Variants in KIF24 observed in about 807,000 individuals in gnomAD.
KIF24 encodes kinesin family member 24.
In KIF24, 81 loss-of-function variants were observed where a neutral mutation model predicts 118.9. The ratio of observed to expected loss-of-function variants is 0.68; its 90% CI spans 0.57 to 0.82. The LOEUF is 0.82. Ranked by LOEUF, KIF24 falls within the 40% of genes least tolerant of loss-of-function variation. KIF24 has a pLI of 0.00. For synonymous variants in KIF24, 599 were observed against 610.0 expected (o/e 0.98, Z 0.27); for missense variants, 1,560 against 1,661.6 (o/e 0.94, Z 1.06).
At chr9:34,307,864 A>G (rs1469048776) in intron 2 of KIF24, among the ~76,000 whole-genome samples, 1 of 148,788 alleles carries the variant, frequency 6.7e-6, no homozygotes, top group Non-Finnish European at 1.5e-5. Flanking sequence ...CTGTCTGAAA[A>G]AAAAAAAAAA....
chr9:34,256,910 T>G lies in KIF24; in HGVS notation c.2697A>C (p.Ile899=). Residue 899 remains isoleucine (I), a synonymous_variant, in exon 11 of 13, where the codon ATA becomes ATC. Transcript: ENST00000402558. ...GATCGAGTGCTGCTCTTCTGTGGTTTATGGGGTCCCTGGAGTCCACCCAGC... is the reference window on the plus strand; with the variant it reads ...GATCGAGTGCTGCTCTTCTGTGGTTGATGGGGTCCCTGGAGTCCACCCAGC... ...TKSWVDSRDP[I]NHRRAALDHS... 1.2e-6 allele frequency: 2 copies of G among 1,614,042 alleles called. No individual in the cohort carries two copies. The highest frequency in any genetic ancestry group is 1.7e-6 in the Non-Finnish European group (2 of 1,179,904).
chr9:34,258,580 C>A (rs533190458), intron 10 of KIF24, among the ~76,000 whole-genome samples: 2 of 152,224 alleles, frequency 1.3e-5, no homozygotes, highest in Admixed American at 6.5e-5. Flanking sequence ...ATGTAAGGGA[C>A]AGGCCAGAGA....
At chr9:34,324,592 G>A (rs1197906788) in intron 1 of KIF24, among the ~76,000 whole-genome samples, 2 of 152,122 alleles carry the variant, frequency 1.3e-5, no homozygotes, top group African/African-American at 4.8e-5. Flanking sequence ...CTTCCAGACT[G>A]TAGAGCCAGA....
chr9:34,287,096 G>A (rs1197510644), intron 5 of KIF24, among the ~76,000 whole-genome samples: 1 of 152,224 alleles, frequency 6.6e-6, no homozygotes, highest in African/African-American at 2.4e-5. Context: ...GTCCCTGGAT[G>A]TGAAAGCATA....
In KIF24 at chr9:34,255,095, G is replaced by C; in HGVS notation, c.3943C>G (p.Leu1315Val). The C allele has an allele frequency of 3.8e-6, 6 of 1,594,076 alleles. No individual in the cohort carries two copies. Among genetic ancestry groups the C allele is most frequent in the South Asian group, 2.3e-5 (2 of 87,492 alleles). Reference protein sequence around the residue: ...MAELGFKEETLMSQLASNDFE... With the variant: ...MAELGFKEETVMSQLASNDFE... Reference sequence around the variant, plus strand: ...ACATTAGAAGCCAGCTGGCTCATCAGCGTCTCCTCCTTGAAGCCGAGCTCA... The same window carrying C: ...ACATTAGAAGCCAGCTGGCTCATCACCGTCTCCTCCTTGAAGCCGAGCTCA... The change falls in exon 12 of 13, where the codon CTG becomes GTG. Residue 1315 changes from leucine (L) to valine (V), a missense_variant. Physicochemically the swap from Leu to Val is conservative, Grantham distance 32. Transcript: ENST00000402558.
intron 4 of KIF24, among the ~76,000 whole-genome samples, chr9:34,294,800 A>T (rs887960701): frequency 2.6e-5 from 4 of 152,168 alleles, no homozygotes; most frequent in African/African-American, 9.7e-5. Context: ...GATAAAACTA[A>T]TCTATACTGA....
intron 11 of KIF24, 134 bp downstream of exon 11, chr9:34,255,600 AG>A: frequency 1.3e-6 from 1 of 743,534 alleles, no homozygotes; most frequent in Non-Finnish European, 2.2e-6. Context: ...ACCAAAGCAG[AG>A]GGTTGGAGCT....
chr9:34,256,012 C>T lies in KIF24; in HGVS notation c.3595G>A (p.Val1199Ile). 1 of 1,613,876 alleles carries T rather than the reference C, an allele frequency of 6.2e-7. No individual in the cohort carries two copies. Among genetic ancestry groups the T allele is most frequent in the East Asian group, 2.2e-5 (1 of 44,862 alleles). The change falls in exon 11 of 13, where the codon GTA becomes ATA. Residue 1199 changes from valine to isoleucine, a missense_variant. Physicochemically the swap from Val to Ile is conservative, Grantham distance 29. Around this residue, in one of 3 missense-constraint regions of KIF24, gnomAD observed 591 missense variants for 655.6 expected, o/e 0.90. Coordinates refer to ENST00000402558, the MANE Select transcript of KIF24 (RefSeq NM_194313.4). ...GKPFTTIHMG[V>I]PHSGPTLTPR... ...GTGAGTGTAGGTCCAGAATGGGGTA[C>T]CCCCATATGTATGGTGGTGAAGGGC...
At chr9:34,304,475 T>C (rs958838139) in intron 3 of KIF24, among the ~76,000 whole-genome samples, 1 of 152,156 alleles carries the variant, frequency 6.6e-6, no homozygotes, top group Non-Finnish European at 1.5e-5. Context: ...CTTGATGGAA[T>C]TACTGTGACA....
At chr9:34,285,128 T>C (rs1835989988) in intron 6 of KIF24, among the ~76,000 whole-genome samples, 1 of 152,144 alleles carries the variant, frequency 6.6e-6, no homozygotes, top group South Asian at 2.1e-4. Context: ...TCTTCTTACA[T>C]ATTTCTGTAA....
Position 34,318,396 on chromosome 9 carries a change from T to A in KIF24, c.-25-7025A>T. 1.3e-5 allele frequency: 6 copies of A among 451,438 alleles called. No individual in the cohort carries two copies. Among genetic ancestry groups the A allele is most frequent in the Non-Finnish European group, 2.2e-5 (5 of 227,496 alleles). 28.0% of individuals were successfully genotyped at this position (451,438 alleles called of 1,614,324 possible). ...TCCATCGTGGTGCACGCAAACCACC[T>A]CCCAGCCACGCGCTCCCTCCTGCTC... On this transcript the variant is annotated intron_variant, in intron 1 of 12. Transcript: ENST00000402558. This position sits in a 1 kb window ranked among gnomAD's most constrained non-coding sequence, Gnocchi z 4.9.
chr9:34,309,943 T>C (rs1837072580), intron 2 of KIF24, among the ~76,000 whole-genome samples: 1 of 149,644 alleles, frequency 6.7e-6, no homozygotes, highest in African/African-American at 2.4e-5. Flanking sequence ...CTCACATATA[T>C]AATGTTTAAA....
At chr9:34,304,963 T>C (rs1014378084) in intron 3 of KIF24, among the ~76,000 whole-genome samples, 3 of 152,162 alleles carry the variant, frequency 2.0e-5, no homozygotes, top group Admixed American at 6.6e-5. Flanking sequence ...AGAATAAATA[T>C]AATATGAATG....
At chr9:34,295,147 A>T in intron 4 of KIF24, among the ~76,000 whole-genome samples, 1 of 151,590 alleles carries the variant, frequency 6.6e-6, no homozygotes, top group Non-Finnish European at 1.5e-5. Flanking sequence ...AGGTAGGTAG[A>T]TTAGATAGGT....
chr9:34,306,299 C>G lies in KIF24; in HGVS notation c.766G>C (p.Val256Leu). 6.2e-7 allele frequency: 1 copy of G among 1,611,004 alleles called. No homozygotes were observed. Among genetic ancestry groups the G allele is most frequent in the South Asian group, 1.1e-5 (1 of 90,674 alleles). The change falls in exon 3 of 13, where the codon GTG (valine) becomes CTG (leucine). Residue 256 changes from valine (V) to leucine (L), a missense_variant. Transcript: ENST00000402558. Reference sequence around the variant, plus strand: ...TCAACTGCTTCTTTCTTCTCATGCACAAGTAGAGTTTCTTTGTCTTCTACA... The same window carrying G: ...TCAACTGCTTCTTTCTTCTCATGCAGAAGTAGAGTTTCTTTGTCTTCTACA... ...ITVEDKETLL[V>L]HEKKEAVDLT...
At chr9:34,290,073 T>C (rs1836193385) in intron 5 of KIF24, 101 bp downstream of exon 5, 1 of 763,974 alleles carries the variant, frequency 1.3e-6, no homozygotes, top group Middle Eastern at 3.9e-4. Flanking sequence ...GGCACTAATG[T>C]ACCAAAGCAT....
chr9:34,258,481 C>T (rs992110996), intron 10 of KIF24, among the ~76,000 whole-genome samples: 3 of 152,060 alleles, frequency 2.0e-5, no homozygotes, highest in African/African-American at 4.8e-5. Context: ...AAAAAACAAA[C>T]GAGAAAGAAC....
Position 34,306,288 on chromosome 9 carries a change from C to T in KIF24, c.777G>A (p.Lys259=). Residue 259 remains lysine, a synonymous_variant, in exon 3 of 13, where the codon AAG becomes AAA. Transcript: ENST00000402558. ...ATTGAGTGAGGTCAACTGCTTCTTT[C>T]TTCTCATGCACAAGTAGAGTTTCTT... ...EDKETLLVHE[K]KEAVDLTQYI... 1.2e-6 allele frequency: 2 copies of T among 1,609,176 alleles called. No homozygotes were observed. Among genetic ancestry groups the T allele is most frequent in the South Asian group, 2.2e-5 (2 of 90,022 alleles).
intron 6 of KIF24, among the ~76,000 whole-genome samples, chr9:34,275,396 A>AAAC (rs1052206277): frequency 6.6e-6 from 1 of 152,036 alleles, no homozygotes; most frequent in Non-Finnish European, 1.5e-5. Flanking sequence ...TCTGTCTCAA[A>AAAC]AACAACAACA....
Sources: allele counts gnomAD v4.1 joint callset (sites outside exome capture counted in the v4.1 genomes callset), GRCh38; gene constraint gnomAD v4.1.1; regional missense constraint gnomAD v4.1.1; non-coding constraint Gnocchi (gnomAD v3.1); transcripts MANE v1.5; gene names NCBI Gene and HGNC (gene_info 2026-07-23, HGNC 2026-07-21).